The following ILRUN variants were observed in gnomAD, a reference collection of about 807,000 sequenced individuals.
The protein encoded by ILRUN is protein ILRUN.
ILRUN carries 3 observed loss-of-function variants against 33.8 expected under a neutral mutation model. The ratio of observed to expected loss-of-function variants is 0.09; its 90% confidence interval spans 0.04 to 0.23. The LOEUF is 0.23. ILRUN is among the 10% of genes least tolerant of loss of function. ILRUN has a pLI of 1.00. For missense variants in ILRUN, 210 were observed against 375.1 expected (o/e 0.56, Z 3.64); for synonymous variants, 124 against 138.9 (o/e 0.89, Z 0.75).
chr6:34,663,916 G>A (rs758080510), intron 1 of ILRUN, among the ~76,000 whole-genome samples: 65 of 152,270 alleles, frequency 4.3e-4, no homozygotes, highest in Middle Eastern at 3.4e-3. Context: ...TTATCCAGAT[G>A]AAACCAATGC....
At chr6:34,631,380 G>T (rs544723293) in intron 3 of ILRUN, among the ~76,000 whole-genome samples, 130 of 151,666 alleles carry the variant, frequency 8.6e-4, no homozygotes, top group Admixed American at 1.6e-3. Context: ...CAGGCTGGAG[G>T]GCAGTGGCGC....
chr6:34,606,248 G>T (rs942238612), intron 4 of ILRUN, among the ~76,000 whole-genome samples: 1 of 152,128 alleles, frequency 6.6e-6, no homozygotes, highest in African/African-American at 2.4e-5. Context: ...AAATAATTGA[G>T]CAACATTGTT....
chr6:34,612,777 T>C (rs1164433353), intron 3 of ILRUN, among the ~76,000 whole-genome samples: 1 of 152,112 alleles, frequency 6.6e-6, no homozygotes, highest in Non-Finnish European at 1.5e-5. Flanking sequence ...GTGCAGTGGC[T>C]CACGCCTGCA....
At chr6:34,691,469 T>C (rs1364724033) in intron 1 of ILRUN, among the ~76,000 whole-genome samples, 2 of 152,288 alleles carry the variant, frequency 1.3e-5, no homozygotes, top group African/African-American at 4.8e-5. Flanking sequence ...GCTACAAACA[T>C]GCTCAACTGA....
chr6:34,646,913 C>T lies in ILRUN; in HGVS notation c.314-115G>A, dbSNP rs377631537. ...CTTTTTCTCACATACATACATAAAC[C>T]TAACCACATATACCTAAGCCATATA... On this transcript the variant is annotated intron_variant, in intron 2 of 4. Coordinates refer to ENST00000374023, the MANE Select transcript of ILRUN (RefSeq NM_024294.4). The surrounding 1 kb of genome is among the most constrained non-coding windows in gnomAD (Gnocchi z 4.9). The T allele has an allele frequency of 1.7e-5, 15 of 876,482 alleles. No homozygotes were observed. In the Admixed American group the frequency reaches 2.1e-4, roughly 12 times the overall value. The allele number at this position is 876,482 out of a possible 1,614,324, so 54.3% of individuals were successfully genotyped here. A position where few individuals can be genotyped will look rare whatever the true frequency, so the allele number is the denominator to read the frequency against.
chr6:34,680,380 G>T (rs1313076367), intron 1 of ILRUN, among the ~76,000 whole-genome samples: 1 of 152,042 alleles, frequency 6.6e-6, no homozygotes, highest in African/African-American at 2.4e-5. Context: ...TTATCTCTGG[G>T]TCCCATTATT....
intron 3 of ILRUN, among the ~76,000 whole-genome samples, chr6:34,641,340 T>G (rs1022273415): frequency 1.3e-5 from 2 of 152,214 alleles, no homozygotes; most frequent in African/African-American, 4.8e-5. Flanking sequence ...TGGCTATGGT[T>G]GTATACATAA....
In ILRUN at chr6:34,637,859, TGCTGC is replaced by T. The variant is rs1562012599; in HGVS notation, c.511+8737_511+8741del. On this transcript the variant is annotated intron_variant, in intron 3 of 4. Coordinates refer to ENST00000374023, the MANE Select transcript of ILRUN (RefSeq NM_024294.4). ...CTGTTGTTGTTGCTGCTGCTGCTGC[TGCTGC>T]TGTTGTTGTTGTTGTTGTTGTTGTT... Among the ~76,000 whole-genome samples, 9 of 134,232 alleles carry T rather than the reference TGCTGC, an allele frequency of 6.7e-5. No homozygotes were observed. In the East Asian group the frequency reaches 9.6e-4, roughly 14 times the overall value. 88.1% of individuals were successfully genotyped at this position (134,232 alleles called of 152,430 possible). A position where few individuals can be genotyped will look rare whatever the true frequency, so the allele number is the denominator to read the frequency against.
intron 3 of ILRUN, among the ~76,000 whole-genome samples, chr6:34,613,168 C>T (rs1761796840): frequency 2.0e-5 from 3 of 151,970 alleles, no homozygotes; most frequent in South Asian, 2.1e-4. Flanking sequence ...GAGCCGAGAT[C>T]GCATCACTGC....
intron 1 of ILRUN, among the ~76,000 whole-genome samples, chr6:34,666,711 A>C (rs896827791): frequency 6.6e-6 from 1 of 152,302 alleles, no homozygotes; most frequent in Non-Finnish European, 1.5e-5. Flanking sequence ...CAGTATAAAT[A>C]TGTGACATGT....
intron 3 of ILRUN, among the ~76,000 whole-genome samples, chr6:34,612,206 G>A (rs1442054638): frequency 6.6e-6 from 1 of 152,156 alleles, no homozygotes; most frequent in Non-Finnish European, 1.5e-5. Context: ...TTGAACTCAG[G>A]AGTTTGCGAC....
At chr6:34,668,969 G>A (rs757139699) in intron 1 of ILRUN, among the ~76,000 whole-genome samples, 3 of 151,224 alleles carry the variant, frequency 2.0e-5, no homozygotes, top group Non-Finnish European at 4.4e-5. Flanking sequence ...TCAGCCTCCT[G>A]AGTAGCTGGG....
At chr6:34,627,688 G>A (rs902022469) in intron 3 of ILRUN, among the ~76,000 whole-genome samples, 2 of 147,600 alleles carry the variant, frequency 1.4e-5, no homozygotes, top group African/African-American at 5.0e-5. Flanking sequence ...TGAGATATCT[G>A]TTCAGGTCTT....
chr6:34,667,327 C>T (rs527544477), intron 1 of ILRUN, among the ~76,000 whole-genome samples: 1 of 152,314 alleles, frequency 6.6e-6, no homozygotes, highest in Non-Finnish European at 1.5e-5. Flanking sequence ...TAAACTAAAA[C>T]ATGACCTAAA....
At chr6:34,623,344 G>C (rs1442353250) in intron 3 of ILRUN, among the ~76,000 whole-genome samples, 1 of 152,198 alleles carries the variant, frequency 6.6e-6, no homozygotes, top group African/African-American at 2.4e-5. Flanking sequence ...TTAGAAGTCA[G>C]ATCTTTTTTA....
chr6:34,675,733 A>G (rs1763214839), intron 1 of ILRUN, among the ~76,000 whole-genome samples: 2 of 152,210 alleles, frequency 1.3e-5, no homozygotes, highest in African/African-American at 4.8e-5. Context: ...ATTTTCCTTA[A>G]TATACAAACA....
At chr6:34,616,705 G>T in intron 3 of ILRUN, 2 of 830,610 alleles carry the variant, frequency 2.4e-6, no homozygotes, top group African/African-American at 1.7e-5. Flanking sequence ...ATAAGCAGAT[G>T]CACAGAACTG....
intron 1 of ILRUN, among the ~76,000 whole-genome samples, chr6:34,676,139 G>A (rs1461492770): frequency 6.6e-6 from 1 of 152,128 alleles, no homozygotes; most frequent in Non-Finnish European, 1.5e-5. Context: ...GCTGGGCACA[G>A]GTAGCTCATC....
chr6:34,693,221 A>G (rs561777138), intron 1 of ILRUN, among the ~76,000 whole-genome samples: 1 of 152,220 alleles, frequency 6.6e-6, no homozygotes, highest in Non-Finnish European at 1.5e-5. Context: ...TTTTCATTTT[A>G]TAATCAAAGA....
Sources: gnomAD v4.1 joint callset for allele counts (sites outside exome capture counted in the v4.1 genomes callset) on GRCh38, gnomAD v4.1.1 for gene constraint, Gnocchi (gnomAD v3.1) non-coding constraint, MANE v1.5 for transcripts, NCBI Gene and HGNC (gene_info 2026-07-23, HGNC 2026-07-21) for gene names.